Variants in NRG3 observed in about 807,000 individuals in gnomAD.
NRG3 encodes the protein neuregulin 3.
A neutral mutation model predicts 66.9 loss-of-function variants in NRG3; 31 were observed. That is an observed-to-expected ratio of 0.46 (90% confidence interval 0.35 to 0.63). The LOEUF is 0.63. Among genes scored for constraint, NRG3 ranks in the 20% least tolerant of loss-of-function variants. The probability of loss-of-function intolerance (pLI) is 0.00; values close to 1 mark genes in which losing one functional copy is unlikely to be tolerated. For missense variants in NRG3, 910 were observed against 878.9 expected (o/e 1.04, Z -0.45); for synonymous variants, 393 against 359.4 (o/e 1.09, Z -1.06).
At chr10:81,932,465 A>AT (rs1359429337) in intron 1 of NRG3, among the ~76,000 whole-genome samples, 2 of 152,214 alleles carry the variant, frequency 1.3e-5, no homozygotes, top group African/African-American at 4.8e-5. Context: ...ACTGCTTGAC[A>AT]TAGGTAAGAA....
chr10:82,113,402 C>T (rs2067507042), intron 1 of NRG3, among the ~76,000 whole-genome samples: 1 of 152,118 alleles, frequency 6.6e-6, no homozygotes, highest in Non-Finnish European at 1.5e-5. Flanking sequence ...GAGACCATGC[C>T]AAACATGAAT....
intron 1 of NRG3, among the ~76,000 whole-genome samples, chr10:82,259,032 G>A (rs981965977): frequency 6.6e-6 from 1 of 152,164 alleles, no homozygotes; most frequent in African/African-American, 2.4e-5. Context: ...AAAGTTGGGT[G>A]CTGGGTGTGA....
At chr10:82,048,296 A>AT (rs931516891) in intron 1 of NRG3, among the ~76,000 whole-genome samples, 20 of 151,598 alleles carry the variant, frequency 1.3e-4, no homozygotes, top group Admixed American at 2.6e-4. Context: ...CAGAATATAC[A>AT]TTTTTTTCAG....
At chr10:82,465,237 A>G (rs1454397532) in intron 2 of NRG3, among the ~76,000 whole-genome samples, 2 of 152,198 alleles carry the variant, frequency 1.3e-5, no homozygotes, top group Non-Finnish European at 2.9e-5. Context: ...GATGGAGCAC[A>G]TTTGCAAGAG....
rs555236756 is a variant in NRG3 at position 82,613,236 on chromosome 10, T to C, written c.954-125341T>C. Among the ~76,000 whole-genome samples, 11 of 152,294 alleles carry C rather than the reference T, an allele frequency of 7.2e-5. No individual in the cohort carries two copies. The South Asian group carries it at 2.1e-3, about 29-fold the overall frequency. On this transcript the variant is annotated intron_variant, in intron 2 of 8. Coordinates refer to ENST00000372141, the MANE Select transcript of NRG3 (RefSeq NM_001010848.4). The stretch of plus-strand genomic sequence containing the variant: ...TAACATAGTTCATCATTTTATGCAA[T>C]GGCAATACATATATTATACAATACA...
At chr10:82,410,600 A>C (rs2087999087) in intron 2 of NRG3, among the ~76,000 whole-genome samples, 1 of 151,740 alleles carries the variant, frequency 6.6e-6, no homozygotes, top group Non-Finnish European at 1.5e-5. Context: ...GGGGGAGAAG[A>C]GTGATGAGAG....
chr10:82,457,379 A>G (rs1293349227), intron 2 of NRG3, among the ~76,000 whole-genome samples: 1 of 152,166 alleles, frequency 6.6e-6, no homozygotes, highest in African/African-American at 2.4e-5. Context: ...TCACATGTGC[A>G]GTTCACAATA....
At position 82,031,131 on chromosome 10, in the gene NRG3, C is replaced by T. The variant is rs185571914; in HGVS notation, c.823+154968C>T. ...TTTACAGTACCTGTCATAGAAGACC[C>T]GTCCCATTTATATATAAAGTTTCAT... is the stretch of plus-strand genomic sequence containing the variant. On this transcript the variant is annotated intron_variant, in intron 1 of 8. Coordinates refer to ENST00000372141, the MANE Select transcript of NRG3 (RefSeq NM_001010848.4). Among the ~76,000 whole-genome samples, 278 of 152,222 alleles carry T rather than the reference C, an allele frequency of 1.8e-3. 1 individual carries two copies. The highest frequency in any genetic ancestry group is 6.3e-3 in the African/African-American group (263 of 41,566).
intron 2 of NRG3, among the ~76,000 whole-genome samples, chr10:82,501,072 C>T (rs1844135512): frequency 6.6e-6 from 1 of 152,078 alleles, no homozygotes; most frequent in African/African-American, 2.4e-5. Flanking sequence ...ATCTCTACCT[C>T]CAGATAGAGG....
chr10:82,785,991 T>C (rs563132623), intron 3 of NRG3, among the ~76,000 whole-genome samples: 1 of 152,248 alleles, frequency 6.6e-6, no homozygotes, highest in African/African-American at 2.4e-5. Context: ...ACTCCTAAAT[T>C]TAAATGGATG....
intron 2 of NRG3, among the ~76,000 whole-genome samples, chr10:82,576,304 T>C (rs992641750): frequency 2.1e-4 from 32 of 151,700 alleles, no homozygotes; most frequent in African/African-American, 6.8e-4. Context: ...TGGGCATTTC[T>C]GTACATACTT....
chr10:82,178,033 G>C (rs2073163076), intron 1 of NRG3, among the ~76,000 whole-genome samples: 1 of 151,396 alleles, frequency 6.6e-6, no homozygotes, highest in South Asian at 2.1e-4. Context: ...TGCTTATGTG[G>C]GTCTTACCCA....
At chr10:82,229,604 GA>G (rs1026473334) in intron 1 of NRG3, among the ~76,000 whole-genome samples, 1 of 152,170 alleles carries the variant, frequency 6.6e-6, no homozygotes, top group African/African-American at 2.4e-5. Flanking sequence ...GGCAGAAGAG[GA>G]AACAACCATG....
At chr10:82,193,061 TA>T (rs2074248810) in intron 1 of NRG3, among the ~76,000 whole-genome samples, 1 of 152,060 alleles carries the variant, frequency 6.6e-6, no homozygotes, top group Non-Finnish European at 1.5e-5. Context: ...TTCCACATTA[TA>T]ATAAAGAATT....
intron 2 of NRG3, among the ~76,000 whole-genome samples, chr10:82,375,263 T>C (rs113992134): frequency 0.042 from 6,437 of 152,164 alleles, 230 homozygotes; most frequent in African/African-American, 0.1. Flanking sequence ...TTTAGCTGGG[T>C]GCGGTGGCTC....
chr10:82,301,846 G>T (rs1019117708), intron 1 of NRG3, among the ~76,000 whole-genome samples: 15 of 151,404 alleles, frequency 9.9e-5, no homozygotes, highest in African/African-American at 3.4e-4. Context: ...CTGTATTGTT[G>T]CCCAGGCCTT....
At position 82,491,615 on chromosome 10, in the gene NRG3, A is replaced by G. The variant is rs562207197; in HGVS notation, c.953+132747A>G. Among the ~76,000 whole-genome samples, 8 of 152,164 alleles carry G rather than the reference A, an allele frequency of 5.3e-5. No homozygotes were observed. The South Asian group carries it at 1.7e-3, about 32-fold the overall frequency. ...TCTGAGGGTACATTTTTCCCCTCAT[A>G]ATCTCTGCTATTTAACTAGTGTCTA... is the stretch of plus-strand genomic sequence containing the variant. On this transcript the variant is annotated intron_variant, in intron 2 of 8. Coordinates refer to ENST00000372141, the MANE Select transcript of NRG3 (RefSeq NM_001010848.4).
chr10:82,877,473 A>G (rs533042), intron 4 of NRG3, among the ~76,000 whole-genome samples: 88,192 of 141,572 alleles, frequency 0.62, 28,833 homozygotes, highest in African/African-American at 0.84. Flanking sequence ...TCTGCCTCCC[A>G]GGTTCAAGCA....
intron 1 of NRG3, among the ~76,000 whole-genome samples, chr10:82,083,224 A>ATATATACCTAT (rs1409071484): frequency 5.3e-5 from 8 of 152,110 alleles, no homozygotes. Flanking sequence ...GCTCTGTCCC[A>ATATATACCTAT]TATATACCTA....
Sources: gnomAD v4.1 joint callset for allele counts (sites outside exome capture counted in the v4.1 genomes callset) on GRCh38, gnomAD v4.1.1 for gene constraint, MANE v1.5 for transcripts, NCBI Gene and HGNC (gene_info 2026-07-23, HGNC 2026-07-21) for gene names.